Variants in EMSY observed in about 807,000 individuals in gnomAD.
EMSY encodes BRCA2-interacting transcriptional repressor EMSY.
EMSY carries 26 observed loss-of-function variants against 134.6 expected under a neutral mutation model. The ratio of observed to expected loss-of-function variants is 0.19; its 90% CI spans 0.14 to 0.27. The LOEUF (loss-of-function observed/expected upper bound fraction) is 0.27, where lower values mean the gene tolerates loss of function less well. EMSY is among the 10% of genes least tolerant of loss of function. The probability of loss-of-function intolerance (pLI) is 1.00; values close to 1 mark genes in which losing one functional copy is unlikely to be tolerated. For synonymous variants in EMSY, 579 were observed against 577.8 expected, an observed-to-expected ratio of 1.00 and a Z score of -0.03; for missense variants, 1,305 against 1,611.4, an observed-to-expected ratio of 0.81 and a Z score of 3.26.
At chr11:76,482,448 C>T (rs1374665053) in intron 8 of EMSY, among the ~76,000 whole-genome samples, 1 of 152,108 alleles carries the variant, frequency 6.6e-6, no homozygotes, top group Non-Finnish European at 1.5e-5. Context: ...ATTAACAAAC[C>T]TCCCCGAGCT....
intron 13 of EMSY, among the ~76,000 whole-genome samples, chr11:76,527,736 T>C (rs907365428): frequency 2.0e-5 from 3 of 151,954 alleles, no homozygotes; most frequent in Non-Finnish European, 2.9e-5. Context: ...AGTTTTACTT[T>C]TTGCAGGTGT....
At chr11:76,490,829 G>T (rs1475021456) in intron 8 of EMSY, among the ~76,000 whole-genome samples, 3 of 151,782 alleles carry the variant, frequency 2.0e-5, no homozygotes, top group Non-Finnish European at 4.4e-5. Context: ...CTAAGATCTG[G>T]GTTCTGGATA....
rs1392827718 is a variant in EMSY, at chr11:76,503,072, A to T, written c.1363+6603A>T. 2.0e-5 allele frequency among the ~76,000 whole-genome samples: 3 copies of T among 152,066 alleles called. No homozygotes were observed. The East Asian group carries it at 5.8e-4, about 29-fold the overall frequency. ...TTCCAGCACTTTGTGGGGCTGAGGC[A>T]GGTGGACCACCTGAGGTCAGGATTT... On this transcript the variant is annotated intron_variant, in intron 9 of 20. Coordinates refer to ENST00000334736, the Ensembl canonical transcript of EMSY.
rs145726311 is a variant in EMSY, at chr11:76,550,454, A to C, written c.*308A>C. 6.8e-4 allele frequency: 143 copies of C among 209,940 alleles called. 2 individuals are homozygous for C. In the East Asian group the frequency reaches 0.013, roughly 19 times the overall value. 13.0% of individuals were successfully genotyped at this position (209,940 alleles called of 1,614,324 possible). ...GAAACAGTTTTGTCTTGCAGTGGAAAGAGACTTCCTGTGAATGTTTCTCAA... is the reference window on the plus strand; with the variant it reads ...GAAACAGTTTTGTCTTGCAGTGGAACGAGACTTCCTGTGAATGTTTCTCAA... On this transcript the variant is annotated 3_prime_UTR_variant, in exon 21 of 21. Coordinates refer to ENST00000334736, the Ensembl canonical transcript of EMSY.
chr11:76,465,319 G>C (rs2135208517), intron 7 of EMSY, among the ~76,000 whole-genome samples: 1 of 152,224 alleles, frequency 6.6e-6, no homozygotes, highest in African/African-American at 2.4e-5. Flanking sequence ...TCAGATCCCA[G>C]CTTTTGCCAC....
At chr11:76,496,366 G>A (rs2135806690) in exon 9 of EMSY, 1 of 1,614,124 alleles carries the variant, frequency 6.2e-7, no homozygotes, top group Non-Finnish European at 8.5e-7. Context: ...AGCAGACACA[G>A]CAACAAGTGG....
chr11:76,496,197 C>T lies in EMSY; in HGVS notation c.1109-18C>T, dbSNP rs1555057036. On this transcript the variant is annotated intron_variant, in intron 8 of 20. Transcript: ENST00000334736. ...GCTTTCCTATCAAATTCTCTTTTCC[C>T]TTACTCCTTTTCTACAGGTGTATCT... 5 of 1,595,470 alleles carry T rather than the reference C, an allele frequency of 3.1e-6. No homozygotes were observed. Among genetic ancestry groups the T allele is most frequent in the African/African-American group, 1.3e-5 (1 of 74,394 alleles).
intron 9 of EMSY, among the ~76,000 whole-genome samples, chr11:76,498,159 A>G (rs945775769): frequency 6.6e-6 from 1 of 152,020 alleles, no homozygotes; most frequent in Non-Finnish European, 1.5e-5. Flanking sequence ...ATTGATTTCT[A>G]GTTTGATTTC....
chr11:76,502,775 G>T lies in EMSY; in HGVS notation c.1363+6306G>T, dbSNP rs1237273273. ...TATACTCTGAAAACTACAAAACATT[G>T]AAAGAAATTAAAGATCTAAATAAAT... On this transcript the variant is annotated intron_variant, in intron 9 of 20. Transcript: ENST00000334736. Among the ~76,000 whole-genome samples the T allele has an allele frequency of 3.3e-5, 5 of 151,992 alleles. No homozygotes were observed. The East Asian group carries it at 9.6e-4, about 29-fold the overall frequency.
chr11:76,456,291 G>C (rs968588954), intron 4 of EMSY, among the ~76,000 whole-genome samples: 15 of 152,176 alleles, frequency 9.9e-5, no homozygotes, highest in South Asian at 4.1e-4. Context: ...GTTTGCATGA[G>C]TAGAAATTTG....
At chr11:76,539,400 G>A (rs1300099310) in intron 16 of EMSY, among the ~76,000 whole-genome samples, 199 bp from the exon 18 acceptor site, 1 of 152,134 alleles carries the variant, frequency 6.6e-6, no homozygotes. Flanking sequence ...AGACTAATGG[G>A]TTAAAATTGC....
exon 5 of EMSY, chr11:76,458,184 A>G: frequency 4.4e-6 from 7 of 1,601,052 alleles, no homozygotes; most frequent in Non-Finnish European, 6.0e-6. Context: ...TTTGTTTAGT[A>G]TGTCTGGACC....
rs1337346626 is a variant in EMSY, at chr11:76,546,210, A to G, written c.3687A>G (p.Pro1229=). 1.9e-6 allele frequency: 3 copies of G among 1,614,098 alleles called. No homozygotes were observed. In the African/African-American group the frequency reaches 4.0e-5, roughly 22 times the overall value. Residue 1229 remains proline, a synonymous_variant, in exon 20 of 21, where the codon CCA becomes CCG. Transcript: ENST00000334736. ...TAACGACAAGGAAAATTGATCCACCAGCAGTGCCTGCGACAGGCCAGTTCA... is the reference window on the plus strand; with the variant it reads ...TAACGACAAGGAAAATTGATCCACCGGCAGTGCCTGCGACAGGCCAGTTCA...
chr11:76,475,190 G>A (rs1003096294), intron 8 of EMSY, among the ~76,000 whole-genome samples: 3 of 152,184 alleles, frequency 2.0e-5, no homozygotes, highest in African/African-American at 4.8e-5. Flanking sequence ...TCACTCGACT[G>A]ATCCGTGTAT....
At position 76,512,442 on chromosome 11, in the gene EMSY, A is replaced by G. The variant is rs11828400; in HGVS notation, c.1364-944A>G. On this transcript the variant is annotated intron_variant, in intron 9 of 20. Coordinates refer to ENST00000334736, the Ensembl canonical transcript of EMSY. Reference sequence around the variant, plus strand: ...GTAGTGGTATTTCCGTTTACAAAATATAGTAATTCTCAATTGCTGAAAATG... The same window carrying G: ...GTAGTGGTATTTCCGTTTACAAAATGTAGTAATTCTCAATTGCTGAAAATG... Among the ~76,000 whole-genome samples, 662 of 152,294 alleles carry G rather than the reference A, an allele frequency of 4.3e-3. 4 individuals are homozygous for G. The highest frequency in any genetic ancestry group is 0.015 in the African/African-American group (623 of 41,574).
At chr11:76,468,503 T>C (rs7942257) in intron 7 of EMSY, among the ~76,000 whole-genome samples, 40,946 of 152,098 alleles carry the variant, frequency 0.27, 5,820 homozygotes, top group Non-Finnish European at 0.32. Context: ...TAAATGTTCT[T>C]GGAGTTTTAT....
chr11:76,496,558 T>A (rs776367547), intron 9 of EMSY, 89 bp downstream of exon 10: 2 of 1,434,406 alleles, frequency 1.4e-6, no homozygotes, highest in Non-Finnish European at 1.9e-6. Context: ...GTATGTCTCT[T>A]CATTTATTTA....
At chr11:76,543,760 C>T (rs1370425114) in intron 18 of EMSY, among the ~76,000 whole-genome samples, 3 of 152,140 alleles carry the variant, frequency 2.0e-5, no homozygotes, top group Admixed American at 6.5e-5. Flanking sequence ...TTCATCCATG[C>T]AGGGGGCTCT....
intron 8 of EMSY, among the ~76,000 whole-genome samples, chr11:76,495,907 C>T (rs1390595596): frequency 6.6e-6 from 1 of 152,054 alleles, no homozygotes; most frequent in East Asian, 1.9e-4. Flanking sequence ...AATAGAAAAT[C>T]TGTTAAGAGA....
Sources: gnomAD v4.1 joint callset for allele counts (sites outside exome capture counted in the v4.1 genomes callset) on GRCh38, gnomAD v4.1.1 for gene constraint, MANE v1.5 for transcripts, NCBI Gene and HGNC (gene_info 2026-07-23, HGNC 2026-07-21) for gene names.